ATP13A4: variants seen among roughly 807,000 people sequenced by gnomAD.
ATP13A4 encodes the protein ATPase 13A4.
A neutral mutation model predicts 142.5 loss-of-function variants in ATP13A4; 114 were observed. The ratio of observed to expected loss-of-function variants is 0.80; its 90% CI spans 0.69 to 0.93. The LOEUF (loss-of-function observed/expected upper bound fraction) is 0.93. Among genes scored for constraint, ATP13A4 ranks in the 40% least tolerant of loss-of-function variants. ATP13A4 has a pLI of 0.00. For missense variants in ATP13A4, 1,392 were observed against 1,454.0 expected, an observed-to-expected ratio of 0.96 and a Z score of 0.69; for synonymous variants, 488 against 514.8, an observed-to-expected ratio of 0.95 and a Z score of 0.70.
intron 3 of ATP13A4, among the ~76,000 whole-genome samples, chr3:193,501,911 T>C (rs944464377): frequency 6.6e-6 from 1 of 152,164 alleles, no homozygotes; most frequent in Non-Finnish European, 1.5e-5. Flanking sequence ...TGATTACTTT[T>C]ACTATAAGAT....
intron 1 of ATP13A4, among the ~76,000 whole-genome samples, chr3:193,542,514 T>C (rs1301766858): frequency 6.6e-6 from 1 of 151,348 alleles, no homozygotes; most frequent in Non-Finnish European, 1.5e-5. Context: ...AGAGTCCCCA[T>C]AGCCAAGACA....
chr3:193,470,455 T>C (rs767367055), intron 9 of ATP13A4, among the ~76,000 whole-genome samples: 29 of 152,190 alleles, frequency 1.9e-4, no homozygotes, highest in Non-Finnish European at 3.4e-4. Context: ...GGTTTCAGGA[T>C]GTCACTGATG....
At chr3:193,488,241 G>A (rs919018433) in intron 7 of ATP13A4, among the ~76,000 whole-genome samples, 1 of 152,138 alleles carries the variant, frequency 6.6e-6, no homozygotes, top group Non-Finnish European at 1.5e-5. Flanking sequence ...TCCAGTCTGG[G>A]TGACAAAAGC....
At chr3:193,554,706 G>T in intron 1 of ATP13A4, 34 bp downstream of exon 1, 2 of 1,603,258 alleles carry the variant, frequency 1.2e-6, no homozygotes, top group Non-Finnish European at 1.7e-6. Context: ...CTGAGAAGTG[G>T]GATGGGAAGA....
At chr3:193,451,473 T>C (rs553043266) in intron 17 of ATP13A4, among the ~76,000 whole-genome samples, 1 of 152,316 alleles carries the variant, frequency 6.6e-6, no homozygotes, top group South Asian at 2.1e-4. Flanking sequence ...CTTTGGCTGG[T>C]AAACAAGTTC....
intron 2 of ATP13A4, among the ~76,000 whole-genome samples, chr3:193,579,732 C>T (rs75955613): frequency 7.8e-4 from 119 of 151,808 alleles, no homozygotes; most frequent in African/African-American, 2.7e-3. Context: ...TTGGAAGCCA[C>T]GTTTCAGATG....
Position 193,414,721 on chromosome 3 carries a change from C to G in ATP13A4, c.2872G>C (p.Val958Leu). The G allele has an allele frequency of 3.1e-6, 5 of 1,614,026 alleles. No individual in the cohort carries two copies. Among genetic ancestry groups the G allele is most frequent in the Non-Finnish European group, 4.2e-6 (5 of 1,179,990 alleles). ...AGCCGTCCTGCAGGTCTGAAAGGCA[C>G]CAGCTTAGGGTAGGCACCATTCAGA... is the stretch of plus-strand genomic sequence containing the variant. ...MNLNGAYPKL[V>L]PFRPAGRLIS... The change falls in exon 26 of 30, where the codon GTG becomes CTG. Residue 958 changes from valine to leucine, a missense_variant. Coordinates refer to ENST00000342695, the MANE Select transcript of ATP13A4 (RefSeq NM_032279.4).
At chr3:193,511,079 C>T (rs9283663) in intron 2 of ATP13A4, among the ~76,000 whole-genome samples, 83,212 of 152,010 alleles carry the variant, frequency 0.55, 23,252 homozygotes, top group African/African-American at 0.67. Context: ...AAGACTAATT[C>T]AGAACTTCAT....
chr3:193,480,244 A>G (rs1345468541), intron 8 of ATP13A4, among the ~76,000 whole-genome samples: 1 of 152,182 alleles, frequency 6.6e-6, no homozygotes, highest in Admixed American at 6.5e-5. Context: ...AATGCAAATA[A>G]ATAAATAAAT....
At chr3:193,463,636 G>A (rs1718089973) in intron 12 of ATP13A4, among the ~76,000 whole-genome samples, 1 of 151,984 alleles carries the variant, frequency 6.6e-6, no homozygotes, top group East Asian at 1.9e-4. Context: ...TTAATATCTA[G>A]CATACAGTAA....
intron 23 of ATP13A4, among the ~76,000 whole-genome samples, chr3:193,437,824 GA>G (rs1716377408): frequency 8.8e-6 from 1 of 113,702 alleles, no homozygotes; most frequent in Non-Finnish European, 1.8e-5. Flanking sequence ...AGCCAATAAA[GA>G]TTTTTTTTTT....
chr3:193,534,929 G>A (rs984668027), intron 1 of ATP13A4, among the ~76,000 whole-genome samples: 1 of 151,224 alleles, frequency 6.6e-6, no homozygotes, highest in Admixed American at 6.6e-5. Flanking sequence ...AAGCATAATA[G>A]TCAAATCTGT....
intron 15 of ATP13A4, 93 bp downstream of exon 15, chr3:193,457,286 C>T: frequency 6.4e-7 from 1 of 1,572,294 alleles, no homozygotes; most frequent in Non-Finnish European, 8.8e-7. Flanking sequence ...ACCTGAAATT[C>T]AAAGACACAT....
intron 1 of ATP13A4, among the ~76,000 whole-genome samples, chr3:193,547,994 G>A (rs1361453134): frequency 1.3e-5 from 2 of 152,088 alleles, no homozygotes; most frequent in East Asian, 3.9e-4. Flanking sequence ...AAAAAGTAGA[G>A]GTTTCTTAAA....
At chr3:193,459,507 G>C (rs1319677085) in intron 13 of ATP13A4, among the ~76,000 whole-genome samples, 1 of 152,066 alleles carries the variant, frequency 6.6e-6, no homozygotes, top group Non-Finnish European at 1.5e-5. Context: ...GCGTGATCTC[G>C]ATTCATTGCA....
intron 23 of ATP13A4, 44 bp from the exon 24 acceptor site, chr3:193,435,788 G>C (rs753618483): frequency 7.3e-6 from 11 of 1,508,708 alleles, no homozygotes; most frequent in South Asian, 4.5e-5. Context: ...GTAATGAAAA[G>C]ACATAAGGTC....
At chr3:193,405,448 T>C (rs1714447391) in intron 29 of ATP13A4, among the ~76,000 whole-genome samples, 3 of 152,174 alleles carry the variant, frequency 2.0e-5, no homozygotes, top group Non-Finnish European at 2.9e-5. Context: ...CAGGAAAAGT[T>C]TGTTTCTCAA....
chr3:193,532,096 A>G (rs1174647806), intron 1 of ATP13A4, among the ~76,000 whole-genome samples: 1 of 151,942 alleles, frequency 6.6e-6, no homozygotes, highest in African/African-American at 2.4e-5. Flanking sequence ...ATCACCCCAA[A>G]TTTCTGAGGG....
chr3:193,552,871 A>G (rs1723660164), intron 1 of ATP13A4, among the ~76,000 whole-genome samples: 1 of 152,250 alleles, frequency 6.6e-6, no homozygotes, highest in South Asian at 2.1e-4. Context: ...GAGGAAAACT[A>G]AATTAGCTAG....
Sources: gnomAD v4.1 joint callset for allele counts (sites outside exome capture counted in the v4.1 genomes callset) on GRCh38, gnomAD v4.1.1 for gene constraint, MANE v1.5 for transcripts, NCBI Gene and HGNC (gene_info 2026-07-23, HGNC 2026-07-21) for gene names.